The following WLS variants were observed in gnomAD, a reference collection of about 807,000 sequenced individuals.
The protein encoded by WLS is Wnt ligand secretion mediator, also known as protein wntless homolog.
Under a neutral mutation model 62.8 loss-of-function variants are expected in WLS, and 23 were observed. The ratio of observed to expected loss-of-function variants is 0.37; its 90% CI spans 0.26 to 0.52. WLS has a LOEUF of 0.52. Among genes scored for constraint, WLS ranks in the 20% least tolerant of loss-of-function variants. The probability of loss-of-function intolerance (pLI) is 0.92; values close to 1 mark genes in which losing one functional copy is unlikely to be tolerated. For missense variants in WLS, 615 were observed against 697.3 expected, an observed-to-expected ratio of 0.88 and a Z score of 1.33; for synonymous variants, 246 against 244.1, an observed-to-expected ratio of 1.01 and a Z score of -0.07.
At chr1:68,130,852 AAATAAT>A (rs944150804) in intron 11 of WLS, among the ~76,000 whole-genome samples, 1 of 151,792 alleles carries the variant, frequency 6.6e-6, no homozygotes, top group African/African-American at 2.4e-5. Flanking sequence ...CCAAAAGAAA[AAATAAT>A]AATAAAATGG....
intron 2 of WLS, among the ~76,000 whole-genome samples, chr1:68,178,705 CAAAAA>C (rs376126398): frequency 9.2e-6 from 1 of 108,230 alleles, no homozygotes; most frequent in Admixed American, 9.9e-5. Flanking sequence ...GACTACATTT[CAAAAA>C]AAAAAAAAAG....
At chr1:68,203,582 T>C (rs1557518515) in intron 1 of WLS, among the ~76,000 whole-genome samples, 1 of 152,150 alleles carries the variant, frequency 6.6e-6, no homozygotes, top group Non-Finnish European at 1.5e-5. Flanking sequence ...TGCACTAAAC[T>C]CCCTTGAATC....
At chr1:68,163,120 A>G (rs1647006949) in intron 2 of WLS, 1 of 1,476,852 alleles carries the variant, frequency 6.8e-7, no homozygotes, top group African/African-American at 1.4e-5. Context: ...CTCTCAGATC[A>G]AAAGGCAAAG....
At chr1:68,163,073 C>T (rs1570927001) in intron 2 of WLS, 2 of 1,572,422 alleles carry the variant, frequency 1.3e-6, no homozygotes, top group East Asian at 2.2e-5. Context: ...TGACTTTGTG[C>T]TTATCCACAA....
intron 1 of WLS, among the ~76,000 whole-genome samples, chr1:68,223,304 G>A (rs1001969580): frequency 1.3e-5 from 2 of 152,098 alleles, no homozygotes; most frequent in East Asian, 1.9e-4. Flanking sequence ...ATTTGGGGGA[G>A]GTTCATAATG....
intron 1 of WLS, among the ~76,000 whole-genome samples, chr1:68,196,334 C>T (rs1045101200): frequency 2.0e-5 from 3 of 151,806 alleles, no homozygotes; most frequent in Non-Finnish European, 2.9e-5. Flanking sequence ...AAAATAGATA[C>T]ATCTATAAAC....
intron 11 of WLS, chr1:68,127,202 T>TA (rs1260499668): frequency 8.6e-6 from 2 of 231,394 alleles, no homozygotes; most frequent in South Asian, 4.2e-5. Context: ...TCTAAAAAAA[T>TA]AAAAAAATAA....
chr1:68,107,292 GCT>G (rs1456151660), intron 11 of WLS, among the ~76,000 whole-genome samples: 1 of 107,318 alleles, frequency 9.3e-6, no homozygotes, highest in Non-Finnish European at 2.0e-5. Context: ...TTGTTGAATA[GCT>G]AGATTTTTTT....
At position 68,125,557 on chromosome 1, in the gene WLS, A is replaced by G; in HGVS notation, c.*669T>C. 4 of 985,432 alleles carry G rather than the reference A, an allele frequency of 4.1e-6. No homozygotes were observed. Among genetic ancestry groups the G allele is most frequent in the Non-Finnish European group, 4.8e-6 (4 of 829,928 alleles). The allele number at this position is 985,432 out of a possible 1,614,324, so 61.0% of individuals were successfully genotyped here. A position where few individuals can be genotyped will look rare whatever the true frequency, so the allele number is the denominator to read the frequency against. On this transcript the variant is annotated 3_prime_UTR_variant, in exon 12 of 12. Coordinates refer to ENST00000262348, the MANE Select transcript of WLS (RefSeq NM_024911.7). Reference sequence around the variant, plus strand: ...AAATCTTACTTGGGTAGTTTAGCAAACATTTTTTAAAACCCACATCCAACA... The same window carrying G: ...AAATCTTACTTGGGTAGTTTAGCAAGCATTTTTTAAAACCCACATCCAACA...
intron 2 of WLS, chr1:68,162,845 G>A: frequency 2.2e-6 from 3 of 1,346,104 alleles, no homozygotes; most frequent in Non-Finnish European, 3.2e-6. Context: ...ATGATGGTGT[G>A]GTACATCATG....
At chr1:68,108,674 T>C (rs570902303) in intron 11 of WLS, among the ~76,000 whole-genome samples, 1 of 152,366 alleles carries the variant, frequency 6.6e-6, no homozygotes, top group South Asian at 2.1e-4. Context: ...AATTTTTAAT[T>C]CTACTTAGTT....
chr1:68,231,738 G>C, intron 1 of WLS: 2 of 464,924 alleles, frequency 4.3e-6, no homozygotes, highest in Non-Finnish European at 8.6e-6. Flanking sequence ...AGAGCTCCGG[G>C]TTTGCGCCGG....
At chr1:68,121,529 T>C (rs1646363363), downstream of WLS, among the ~76,000 whole-genome samples, 1 of 152,176 alleles carries the variant, frequency 6.6e-6, no homozygotes, top group African/African-American at 2.4e-5. Flanking sequence ...GCTAATGTCA[T>C]CTCAGAAACC....
intron 1 of WLS, among the ~76,000 whole-genome samples, chr1:68,203,720 A>G (rs2820506): frequency 0.017 from 2,524 of 152,306 alleles, 76 homozygotes; most frequent in African/African-American, 0.057. Context: ...CTATGACAGC[A>G]CTTGCAGGCA....
rs537281446 is a variant in WLS at position 68,186,819 on chromosome 1, AT to A, written c.379+7135del. On this transcript the variant is annotated intron_variant, in intron 2 of 11. Coordinates refer to ENST00000262348, the MANE Select transcript of WLS (RefSeq NM_024911.7). The stretch of plus-strand genomic sequence containing the variant: ...ATATAACATAATATATATAATCTGT[AT>A]AATCAATGCCTTGCTCAGTGTCCAT... Among the ~76,000 whole-genome samples, 441 of 152,252 alleles carry A rather than the reference AT, an allele frequency of 2.9e-3. 8 individuals carry two copies. Among genetic ancestry groups the A allele is most frequent in the African/African-American group, 9.8e-3 (407 of 41,532 alleles).
Position 68,159,155 on chromosome 1 carries a change from G to T in WLS, c.472C>A (p.Arg158=), listed in dbSNP as rs373149051. The T allele has an allele frequency of 1.1e-5, 17 of 1,613,982 alleles. No individual in the cohort carries two copies. The highest frequency in any genetic ancestry group is 8.8e-5 in the South Asian group (8 of 91,084). Residue 158 remains arginine, a synonymous_variant, in exon 3 of 12, where the codon CGG becomes AGG. Transcript: ENST00000262348. The part of the protein sequence containing the change: ...WTEMAHERVP[R]KLKCTFTSPK... The stretch of plus-strand genomic sequence containing the variant: ...GATGTGAAGGTGCATTTGAGTTTCC[G>T]TGGTACTCTTTCATGGGCCATTTCA...
chr1:68,170,252 G>C (rs748574289), intron 2 of WLS, among the ~76,000 whole-genome samples: 1 of 140,890 alleles, frequency 7.1e-6, no homozygotes, highest in African/African-American at 2.7e-5. Flanking sequence ...TGCAACCTTC[G>C]CCTCCTGGGT....
intron 10 of WLS, among the ~76,000 whole-genome samples, chr1:68,144,197 A>G (rs952766988): frequency 6.6e-6 from 1 of 152,244 alleles, no homozygotes; most frequent in Admixed American, 6.5e-5. Context: ...TAATTATTAC[A>G]AGGAATAGCT....
chr1:68,103,555 GTGA>G (rs962608166), intron 11 of WLS, among the ~76,000 whole-genome samples: 2 of 152,192 alleles, frequency 1.3e-5, no homozygotes, highest in Non-Finnish European at 2.9e-5. Flanking sequence ...TGTACTGGTG[GTGA>G]TGGAGAGAGA....
Sources: allele counts gnomAD v4.1 joint callset (sites outside exome capture counted in the v4.1 genomes callset), GRCh38; gene constraint gnomAD v4.1.1; transcripts MANE v1.5; gene names NCBI Gene and HGNC (gene_info 2026-07-23, HGNC 2026-07-21).